Variants in ROBO2 observed in about 807,000 individuals in gnomAD.
ROBO2 encodes the protein roundabout homolog 2.
ROBO2 carries 53 observed loss-of-function variants against 160.8 expected under a neutral mutation model. The observed-to-expected ratio is 0.33, with a 90% CI of 0.26 to 0.41. ROBO2 has a LOEUF of 0.41. Ranked by LOEUF, ROBO2 falls within the 10% of genes least tolerant of loss-of-function variation. ROBO2 has a pLI of 1.00. For synonymous variants in ROBO2, 664 were observed against 611.7 expected (o/e 1.09, Z -1.26); for missense variants, 1,577 against 1,722.4 (o/e 0.92, Z 1.49).
chr3:76,824,234 C>T (rs2066377472), intron 2 of ROBO2, among the ~76,000 whole-genome samples: 1 of 152,180 alleles, frequency 6.6e-6, no homozygotes, highest in Non-Finnish European at 1.5e-5. Context: ...AGAACTTGTT[C>T]TTGTGGCCAT....
chr3:76,436,518 T>C lies in ROBO2; in HGVS notation c.109+498916T>C, dbSNP rs536220126. ...AGTGCTGCTAATGTAAATTTCAGTT[T>C]TTCGCCTCTAGGACAAACACTTACC... is the stretch of plus-strand genomic sequence containing the variant. On this transcript the variant is annotated intron_variant, in intron 2 of 26. Coordinates refer to the ROBO2 transcript ENST00000487694. 6.6e-5 allele frequency among the ~76,000 whole-genome samples: 10 copies of C among 152,300 alleles called. 1 individual carries two copies. In the South Asian group the frequency reaches 2.1e-3, roughly 32 times the overall value.
At chr3:75,999,468 T>C (rs1295883108) in intron 2 of ROBO2, among the ~76,000 whole-genome samples, 1 of 152,178 alleles carries the variant, frequency 6.6e-6, no homozygotes, top group Non-Finnish European at 1.5e-5. Context: ...GCCCTTTTAG[T>C]ATTTATTTTA....
chr3:76,126,544 G>A (rs1450570081), intron 2 of ROBO2, among the ~76,000 whole-genome samples: 2 of 152,086 alleles, frequency 1.3e-5, no homozygotes, highest in Admixed American at 6.6e-5. Flanking sequence ...TAGTGCAAGA[G>A]CTTTGCTTCA....
chr3:77,254,613 T>C (rs2090734969), intron 2 of ROBO2, among the ~76,000 whole-genome samples: 1 of 152,150 alleles, frequency 6.6e-6, no homozygotes, highest in Admixed American at 6.5e-5. Context: ...GTTCCACTTT[T>C]TAAAATTTGG....
chr3:75,967,767 C>T (rs1468607250), intron 2 of ROBO2, among the ~76,000 whole-genome samples: 1 of 151,520 alleles, frequency 6.6e-6, no homozygotes, highest in South Asian at 2.1e-4. Flanking sequence ...AACACAGTTA[C>T]ACAATCAAGA....
intron 2 of ROBO2, among the ~76,000 whole-genome samples, chr3:76,188,864 A>T (rs1046282769): frequency 1.3e-5 from 2 of 152,086 alleles, no homozygotes; most frequent in African/African-American, 4.8e-5. Context: ...TGCTATAAAC[A>T]TGAAATAAAG....
intron 2 of ROBO2, among the ~76,000 whole-genome samples, chr3:77,002,142 T>A (rs867130817): frequency 1.3e-5 from 2 of 152,092 alleles, no homozygotes; most frequent in South Asian, 4.1e-4. Context: ...AGTACTAAAT[T>A]TATGAGTGTT....
intron 23 of ROBO2, among the ~76,000 whole-genome samples, chr3:77,626,821 A>G (rs962655506): frequency 2.0e-5 from 3 of 152,264 alleles, no homozygotes; most frequent in Middle Eastern, 3.4e-3. Context: ...CCCCACATGA[A>G]TATCACAGCT....
At chr3:77,109,962 C>T (rs1397213617) in intron 2 of ROBO2, among the ~76,000 whole-genome samples, 2 of 152,184 alleles carry the variant, frequency 1.3e-5, no homozygotes, top group African/African-American at 4.8e-5. Flanking sequence ...CCAAGAGTAG[C>T]ATTTTGGCGC....
At chr3:76,152,645 A>G (rs2072255184) in intron 2 of ROBO2, among the ~76,000 whole-genome samples, 2 of 152,134 alleles carry the variant, frequency 1.3e-5, no homozygotes, top group South Asian at 4.1e-4. Context: ...TTTATCATTT[A>G]AGCCCCCAGT....
chr3:75,911,756 C>T (rs2106736657), intron 1 of ROBO2, among the ~76,000 whole-genome samples: 1 of 151,812 alleles, frequency 6.6e-6, no homozygotes, highest in South Asian at 2.1e-4. Flanking sequence ...CGGGGTTTCA[C>T]CGTGTTAGCC....
chr3:77,235,349 G>T (rs2087805803), intron 2 of ROBO2, among the ~76,000 whole-genome samples: 1 of 147,350 alleles, frequency 6.8e-6, no homozygotes. Context: ...AATATGAGAG[G>T]AGAATATTTT....
chr3:76,185,215 T>TATATATATATATATATATAC, intron 2 of ROBO2, among the ~76,000 whole-genome samples: 55 of 90,278 alleles, frequency 6.1e-4, no homozygotes, highest in African/African-American at 1.6e-3. Context: ...TATATATATA[T>TATATATATATATATATATAC]ACACACACAA....
At chr3:76,756,205 T>A (rs957860796) in intron 2 of ROBO2, among the ~76,000 whole-genome samples, 1 of 151,870 alleles carries the variant, frequency 6.6e-6, no homozygotes, top group African/African-American at 2.4e-5. Context: ...TCTTCGAATA[T>A]GTTTCTGGCT....
Position 77,043,328 on chromosome 3 carries a change from C to T in ROBO2, c.61+2482C>T, listed in dbSNP as rs572543431. Among the ~76,000 whole-genome samples the T allele has an allele frequency of 1.2e-4, 19 of 152,268 alleles. No homozygotes were observed. In the South Asian group the frequency reaches 3.9e-3, roughly 32 times the overall value. ...ATATACTGACCATCCTTGTGCTAGA[C>T]ACAGATATTAATTTTATTCAGTGAC... On this transcript the variant is annotated intron_variant, in intron 1 of 25. Transcript: ENST00000461745.
intron 2 of ROBO2, among the ~76,000 whole-genome samples, chr3:76,335,118 C>T (rs928626861): frequency 3.3e-5 from 5 of 150,890 alleles, no homozygotes; most frequent in Admixed American, 6.6e-5. Context: ...ACTCTCAACT[C>T]TACCTCCAAA....
rs145346489 is a variant in ROBO2, at chr3:76,066,218, C to T, written c.109+128616C>T. Among the ~76,000 whole-genome samples, 667 of 152,208 alleles carry T rather than the reference C, an allele frequency of 4.4e-3. 7 individuals carry two copies. The highest frequency in any genetic ancestry group is 0.015 in the African/African-American group (636 of 41,558). ...TCATATCACACAATAAATAGCATGA[C>T]ATGCTAATAACTCACTCCATTTTGG... is the stretch of plus-strand genomic sequence containing the variant. On this transcript the variant is annotated intron_variant, in intron 2 of 26. Transcript: ENST00000487694.
chr3:77,320,627 A>T (rs1318300370), intron 2 of ROBO2, among the ~76,000 whole-genome samples: 1 of 151,996 alleles, frequency 6.6e-6, no homozygotes, highest in East Asian at 1.9e-4. Context: ...AAAGGTACTG[A>T]TTTGTATGTT....
At chr3:77,633,581 G>GA (rs1204672071) in intron 23 of ROBO2, 2 of 152,038 alleles carry the variant, frequency 1.3e-5, no homozygotes, top group Non-Finnish European at 2.9e-5. Flanking sequence ...AAATAGTAAA[G>GA]AAAAAAGATT....
Sources: allele counts gnomAD v4.1 joint callset (sites outside exome capture counted in the v4.1 genomes callset), GRCh38; gene constraint gnomAD v4.1.1; transcripts MANE v1.5; gene names NCBI Gene and HGNC (gene_info 2026-07-23, HGNC 2026-07-21).